Variants in AP3D1 observed in about 807,000 individuals in gnomAD.
The protein encoded by AP3D1 is AP-3 complex subunit delta-1.
A neutral mutation model predicts 147.6 loss-of-function variants in AP3D1; 51 were observed. That is an observed-to-expected ratio of 0.35 (90% confidence interval 0.28 to 0.44). The LOEUF (loss-of-function observed/expected upper bound fraction) is 0.44. AP3D1 is among the 20% of genes least tolerant of loss of function. The probability of loss-of-function intolerance (pLI) is 1.00; values close to 1 mark genes in which losing one functional copy is unlikely to be tolerated. For missense variants in AP3D1, 1,421 were observed against 1,624.2 expected (o/e 0.87, Z 2.15); for synonymous variants, 760 against 663.0 (o/e 1.15, Z -2.25).
chr19:2,113,188 C>A, intron 23 of AP3D1, 148 bp downstream of exon 23: 1 of 635,434 alleles, frequency 1.6e-6, no homozygotes, highest in Non-Finnish European at 2.8e-6. Flanking sequence ...GGAGCATGAC[C>A]CCGGCTCCAC....
At chr19:2,131,650 A>G (rs74176380) in intron 5 of AP3D1, among the ~76,000 whole-genome samples, 76 of 102,860 alleles carry the variant, frequency 7.4e-4, no homozygotes, top group Middle Eastern at 0.014. Context: ...AGACACCTCC[A>G]GGCGGACAGG....
At chr19:2,163,326 G>A (rs544917248) in intron 1 of AP3D1, among the ~76,000 whole-genome samples, 2 of 151,832 alleles carry the variant, frequency 1.3e-5, no homozygotes, top group Non-Finnish European at 2.9e-5. Flanking sequence ...TTCCCGCCTC[G>A]GCCTCACAAA....
chr19:2,137,880 G>A (rs554505369), intron 2 of AP3D1, 73 bp from the exon 3 acceptor site: 4 of 1,402,230 alleles, frequency 2.9e-6, no homozygotes, highest in Non-Finnish European at 4.0e-6. Context: ...GCGGCATCAA[G>A]CGCTCCCTCC....
rs527409441 is a variant in AP3D1 at position 2,151,088 on chromosome 19, C to CCCAGG, written c.96+146_96+150dup. On this transcript the variant is annotated intron_variant, in intron 1 of 31. Coordinates refer to ENST00000643116, the MANE Select transcript of AP3D1 (RefSeq NM_001261826.3). ...CCGAGGAGGTGGGCGGCGCCCCAGG[C>CCCAGG]CCAGGCCAGGCAGGGCCGGAGCCCT... 7.2e-6 allele frequency: 5 copies of CCCAGG among 694,738 alleles called. No individual in the cohort carries two copies. In the South Asian group the frequency reaches 8.6e-5, roughly 12 times the overall value. 43.0% of individuals were successfully genotyped at this position (694,738 alleles called of 1,614,324 possible). A position where few individuals can be genotyped will look rare whatever the true frequency, so the allele number is the denominator to read the frequency against.
Position 2,110,164 on chromosome 19 carries a change from A to C in AP3D1, c.3236T>G (p.Leu1079Arg), listed in dbSNP as rs1406925181. The C allele has an allele frequency of 6.2e-7, 1 of 1,612,854 alleles. No individual in the cohort carries two copies. The highest frequency in any genetic ancestry group is 1.1e-5 in the South Asian group (1 of 91,030). Reference protein sequence around the residue: ...TIQSIVMAQKLKGTLSFIAKN... With the variant: ...TIQSIVMAQKRKGTLSFIAKN... ...GGCAATGAAGGACAGGGTCCCCTTGAGCTTCTGCGCCATGACGATGCTCTG... is the reference window on the plus strand; with the variant it reads ...GGCAATGAAGGACAGGGTCCCCTTGCGCTTCTGCGCCATGACGATGCTCTG... The change falls in exon 28 of 32, where the codon CTC becomes CGC. Residue 1079 changes from leucine to arginine, a missense_variant. Transcript: ENST00000643116.
chr19:2,138,207 C>T (rs998293993), intron 2 of AP3D1, among the ~76,000 whole-genome samples: 1 of 152,182 alleles, frequency 6.6e-6, no homozygotes, highest in African/African-American at 2.4e-5. Flanking sequence ...GGGAGGAGTG[C>T]CTGTCCCCAG....
At chr19:2,129,208 C>T (rs369180761) in intron 7 of AP3D1, 45 bp from the exon 8 acceptor site, 58 of 1,608,154 alleles carry the variant, frequency 3.6e-5, no homozygotes, top group African/African-American at 1.8e-4. Flanking sequence ...GAATGCCCCA[C>T]GCAGGGTGAG....
intron 27 of AP3D1, 105 bp downstream of exon 27, chr19:2,110,602 G>A (rs2018243500): frequency 8.0e-7 from 1 of 1,248,664 alleles, no homozygotes; most frequent in Non-Finnish European, 1.1e-6. Context: ...GGGGACAAAG[G>A]GGACATGGGG....
chr19:2,104,867 G>C (rs966796980), intron 31 of AP3D1, among the ~76,000 whole-genome samples: 4 of 151,646 alleles, frequency 2.6e-5, no homozygotes, highest in African/African-American at 9.7e-5. Flanking sequence ...GTAGACCTGG[G>C]GTCTTGCCAT....
At position 2,102,213 on chromosome 19, in the gene AP3D1, T is replaced by C. The variant is rs781148726; in HGVS notation, c.3608A>G (p.Asn1203Ser). The change falls in exon 32 of 32, where the codon AAC becomes AGC. Residue 1203 changes from asparagine to serine, a missense_variant. By Grantham distance (46) the Asn-to-Ser change is conservative. Coordinates refer to ENST00000643116, the MANE Select transcript of AP3D1 (RefSeq NM_001261826.3). ...GKCSDSTLLS[N>S]LLEEMKATLA... ...CGTCGCCTTCATCTCTTCTAACAAG[T>C]TGCTCAGTAGCGTGGAGTCACTGCA... 5.0e-6 allele frequency: 8 copies of C among 1,613,980 alleles called. No individual in the cohort carries two copies. In the East Asian group the frequency reaches 8.9e-5, roughly 18 times the overall value.
At chr19:2,136,545 C>T (rs1390157196) in intron 4 of AP3D1, among the ~76,000 whole-genome samples, 2 of 152,178 alleles carry the variant, frequency 1.3e-5, no homozygotes, top group African/African-American at 2.4e-5. Context: ...CCAGTGGCCT[C>T]CGTGACCATT....
intron 25 of AP3D1, 22 bp downstream of exon 25, chr19:2,111,657 G>T: frequency 6.4e-7 from 1 of 1,568,056 alleles, no homozygotes; most frequent in Non-Finnish European, 8.6e-7. Context: ...GCGTGGGGCG[G>T]GGGCGCTGAA....
chr19:2,115,117 C>A, intron 20 of AP3D1, 102 bp downstream of exon 20: 1 of 1,271,384 alleles, frequency 7.9e-7, no homozygotes. Context: ...CTCATCCCAG[C>A]CACCAACGAA....
chr19:2,111,863 G>A (rs1390798594), intron 24 of AP3D1, 35 bp from the exon 25 acceptor site: 4 of 1,611,002 alleles, frequency 2.5e-6, no homozygotes, highest in African/African-American at 2.7e-5. Context: ...CAGTGCCCAG[G>A]CTGCTCCAGC....
At chr19:2,155,373 A>G (rs1426591682), upstream of AP3D1, among the ~76,000 whole-genome samples, 1 of 148,520 alleles carries the variant, frequency 6.7e-6, no homozygotes, top group East Asian at 2.0e-4. Flanking sequence ...AAAAAAAACC[A>G]AAAAAAACAA....
intron 11 of AP3D1, 21 bp from the exon 12 acceptor site, chr19:2,121,900 C>A (rs748251916): frequency 6.3e-7 from 1 of 1,588,864 alleles, no homozygotes; most frequent in Non-Finnish European, 8.5e-7. Context: ...AGGCCAGAGC[C>A]GGGTCACTGG....
chr19:2,153,279 C>T (rs986810832), upstream of AP3D1, among the ~76,000 whole-genome samples: 1 of 151,076 alleles, frequency 6.6e-6, no homozygotes, highest in African/African-American at 2.4e-5. Flanking sequence ...GAGACTGAGG[C>T]AGGAGAATGA....
rs769364041 is a variant in AP3D1 at position 2,115,593 on chromosome 19, G to A, written c.2094C>T (p.Gly698=). ...TCTGCACCACGGGAATGTGCTCCAC[G>A]CCCGGGGTGTCCTGGTACCGCTGCA... is the stretch of plus-strand genomic sequence containing the variant. ...SPQKRYQDTP[G]VEHIPVVQID... is the part of the protein sequence containing the mutation. Residue 698 remains glycine, a synonymous_variant, in exon 19 of 32, where the codon GGC becomes GGT. Transcript: ENST00000643116. 7.4e-6 allele frequency: 12 copies of A among 1,612,776 alleles called. No homozygotes were observed. Among genetic ancestry groups the A allele is most frequent in the East Asian group, 2.2e-5 (1 of 44,854 alleles).
chr19:2,120,800 C>T, intron 14 of AP3D1, 62 bp downstream of exon 14: 1 of 1,517,158 alleles, frequency 6.6e-7, no homozygotes, highest in Non-Finnish European at 9.0e-7. Flanking sequence ...AGGCACATCC[C>T]TGGTCCCTAC....
Sources: gnomAD v4.1 joint callset for allele counts (sites outside exome capture counted in the v4.1 genomes callset) on GRCh38, gnomAD v4.1.1 for gene constraint, MANE v1.5 for transcripts, NCBI Gene and HGNC (gene_info 2026-07-23, HGNC 2026-07-21) for gene names.